GRID1: variants seen among roughly 807,000 people sequenced by gnomAD.
The protein encoded by GRID1 is glutamate receptor ionotropic, delta-1.
A neutral mutation model predicts 98.0 loss-of-function variants in GRID1; 28 were observed. The ratio of observed to expected loss-of-function variants is 0.29; its 90% CI spans 0.21 to 0.39. GRID1 has a LOEUF of 0.39. GRID1 is among the 10% of genes least tolerant of loss of function. The pLI is 1.00. For missense variants in GRID1, 1,111 were observed against 1,340.5 expected, an observed-to-expected ratio of 0.83 and a Z score of 2.67; for synonymous variants, 553 against 538.5, an observed-to-expected ratio of 1.03 and a Z score of -0.37.
intron 3 of GRID1, among the ~76,000 whole-genome samples, chr10:86,181,007 C>T (rs1191196014): frequency 6.6e-6 from 1 of 152,166 alleles, no homozygotes. Flanking sequence ...GCCATGAGGA[C>T]AGCCAAGCCC....
At position 85,601,804 on chromosome 10, in the gene GRID1, G is replaced by C. The variant is rs1184890354; in HGVS notation, c.*469C>G. 1 of 157,826 alleles carries C rather than the reference G, an allele frequency of 6.3e-6. No individual in the cohort carries two copies. Among genetic ancestry groups the C allele is most frequent in the Non-Finnish European group, 1.4e-5 (1 of 71,716 alleles). The allele number at this position is 157,826 out of a possible 1,614,324, so 9.8% of individuals were successfully genotyped here. A position where few individuals can be genotyped will look rare whatever the true frequency, so the allele number is the denominator to read the frequency against. On this transcript the variant is annotated 3_prime_UTR_variant, in exon 16 of 16. Coordinates refer to ENST00000327946, the MANE Select transcript of GRID1 (RefSeq NM_017551.3). ...CAAACTCACTCTTTATCAAGCTGAGGGACTAAAAGGGACGAGGTGCCAGGA... is the reference window on the plus strand; with the variant it reads ...CAAACTCACTCTTTATCAAGCTGAGCGACTAAAAGGGACGAGGTGCCAGGA...
At chr10:86,083,433 A>G (rs1334342957) in intron 4 of GRID1, among the ~76,000 whole-genome samples, 1 of 152,220 alleles carries the variant, frequency 6.6e-6, no homozygotes, top group Non-Finnish European at 1.5e-5. Context: ...GCACAATGTG[A>G]CACACAGTTG....
Position 85,973,835 on chromosome 10 carries a change from C to T in GRID1, c.727-57596G>A, listed in dbSNP as rs1842437824. 1.3e-5 allele frequency among the ~76,000 whole-genome samples: 2 copies of T among 152,116 alleles called. 1 individual carries two copies. Among genetic ancestry groups the T allele is most frequent in the Admixed American group, 1.3e-4 (2 of 15,276 alleles). ...CTTTCAATGAAATATGGTAAAGAGCCAAAGAGCATGGGTTCTGAAGTCAGA... is the reference window on the plus strand; with the variant it reads ...CTTTCAATGAAATATGGTAAAGAGCTAAAGAGCATGGGTTCTGAAGTCAGA... On this transcript the variant is annotated intron_variant, in intron 4 of 15. Transcript: ENST00000327946.
intron 4 of GRID1, among the ~76,000 whole-genome samples, chr10:86,028,351 G>T (rs1364406466): frequency 6.6e-6 from 1 of 152,160 alleles, no homozygotes; most frequent in Non-Finnish European, 1.5e-5. Context: ...TACTCATCAA[G>T]GCTATGGAAT....
intron 2 of GRID1, among the ~76,000 whole-genome samples, chr10:86,270,415 C>T (rs371783247): frequency 7.2e-5 from 11 of 152,040 alleles, no homozygotes; most frequent in East Asian, 1.9e-4. Context: ...TTGGTCCAGG[C>T]GCAGTGGCTC....
At chr10:85,829,440 ATCC>A (rs1289983535) in intron 8 of GRID1, among the ~76,000 whole-genome samples, 1 of 152,108 alleles carries the variant, frequency 6.6e-6, no homozygotes, top group Non-Finnish European at 1.5e-5. Context: ...AGTATTGGAA[ATCC>A]TAGCCAGAGC....
chr10:85,796,376 A>G (rs1296972644), intron 8 of GRID1, among the ~76,000 whole-genome samples: 2 of 152,194 alleles, frequency 1.3e-5, no homozygotes, highest in Non-Finnish European at 2.9e-5. Context: ...ACATACTATA[A>G]CAAATTCTTA....
chr10:85,805,903 T>C (rs1398803570), intron 8 of GRID1, among the ~76,000 whole-genome samples: 1 of 151,638 alleles, frequency 6.6e-6, no homozygotes, highest in Non-Finnish European at 1.5e-5. Context: ...GAAAAATATT[T>C]GTGACTTTGG....
intron 8 of GRID1, among the ~76,000 whole-genome samples, chr10:85,836,599 GC>G (rs1224494861): frequency 6.6e-6 from 1 of 152,094 alleles, no homozygotes; most frequent in East Asian, 1.9e-4. Context: ...AAGTGGTGGG[GC>G]AGCAGCCAGC....
intron 12 of GRID1, among the ~76,000 whole-genome samples, chr10:85,658,213 T>C (rs968977743): frequency 6.6e-6 from 1 of 152,180 alleles, no homozygotes; most frequent in Non-Finnish European, 1.5e-5. Flanking sequence ...GTTTTCACCA[T>C]CTTTCCTTCC....
intron 2 of GRID1, among the ~76,000 whole-genome samples, chr10:86,270,584 G>A (rs1847170295): frequency 6.6e-6 from 1 of 152,150 alleles, no homozygotes; most frequent in Admixed American, 6.6e-5. Flanking sequence ...CAGCTACTCA[G>A]GAGGCTGACG....
Position 85,782,369 on chromosome 10 carries a change from G to A in GRID1, c.1234-52755C>T, listed in dbSNP as rs989308750. 3.3e-5 allele frequency among the ~76,000 whole-genome samples: 5 copies of A among 152,182 alleles called. 1 individual carries two copies. The South Asian group carries it at 1.0e-3, about 32-fold the overall frequency. ...CGGGCAGTATCATTGTCTACTGACA[G>A]CTTGAAAACAGAATTTCTTCATTCA... On this transcript the variant is annotated intron_variant, in intron 8 of 15. Coordinates refer to ENST00000327946, the MANE Select transcript of GRID1 (RefSeq NM_017551.3).
intron 4 of GRID1, among the ~76,000 whole-genome samples, chr10:86,053,596 C>T (rs943320561): frequency 9.9e-5 from 15 of 151,856 alleles, no homozygotes; most frequent in African/African-American, 1.5e-4. Flanking sequence ...TCAGGAGATC[C>T]GCCCGCCTCG....
At chr10:85,725,443 G>A (rs1841751435) in intron 10 of GRID1, among the ~76,000 whole-genome samples, 1 of 152,122 alleles carries the variant, frequency 6.6e-6, no homozygotes, top group Admixed American at 6.6e-5. Flanking sequence ...TCCAAAATGG[G>A]CTTCATTTTA....
chr10:85,775,113 T>G (rs1418543855), intron 8 of GRID1, among the ~76,000 whole-genome samples: 1 of 152,124 alleles, frequency 6.6e-6, no homozygotes, highest in Non-Finnish European at 1.5e-5. Context: ...TAAGAAAATG[T>G]GGCACATATA....
At chr10:85,642,064 G>T (rs1381267495) in intron 13 of GRID1, among the ~76,000 whole-genome samples, 2 of 152,204 alleles carry the variant, frequency 1.3e-5, no homozygotes, top group Non-Finnish European at 2.9e-5. Flanking sequence ...TCCCTGGGTT[G>T]CCCCTGTCCA....
intron 5 of GRID1, among the ~76,000 whole-genome samples, chr10:85,875,449 G>C (rs1330024844): frequency 6.6e-6 from 1 of 151,528 alleles, no homozygotes; most frequent in South Asian, 2.1e-4. Flanking sequence ...ATCCATATTT[G>C]AATTTTTAGT....
chr10:85,713,947 G>T (rs534920039), intron 12 of GRID1, among the ~76,000 whole-genome samples: 78 of 151,988 alleles, frequency 5.1e-4, no homozygotes, highest in African/African-American at 1.9e-3. Flanking sequence ...AACAAAACAA[G>T]GGTGCCCACT....
At chr10:86,132,280 C>T (rs553405429) in intron 4 of GRID1, among the ~76,000 whole-genome samples, 1 of 152,228 alleles carries the variant, frequency 6.6e-6, no homozygotes, top group Non-Finnish European at 1.5e-5. Context: ...CAGATCCTAA[C>T]AGGACAGCTC....
Sources: gnomAD v4.1 joint callset for allele counts (sites outside exome capture counted in the v4.1 genomes callset) on GRCh38, gnomAD v4.1.1 for gene constraint, MANE v1.5 for transcripts, NCBI Gene and HGNC (gene_info 2026-07-23, HGNC 2026-07-21) for gene names.